OTUD7B: variants seen among roughly 807,000 people sequenced by gnomAD.
OTUD7B encodes the protein OTU deubiquitinase 7B.
A neutral mutation model predicts 82.2 loss-of-function variants in OTUD7B; 34 were observed. The observed-to-expected ratio is 0.41, with a 90% CI of 0.31 to 0.55. OTUD7B has a LOEUF of 0.55. OTUD7B is among the 20% of genes least tolerant of loss of function. The pLI is 0.20. For missense variants in OTUD7B, 944 were observed against 1,062.1 expected (o/e 0.89, Z 1.55); for synonymous variants, 398 against 402.7 (o/e 0.99, Z 0.14).
chr1:149,943,364 G>C lies in OTUD7B; in HGVS notation c.*493C>G, dbSNP rs936261835. ...AGAATTTATCCAACCTTAATTTCTAGCTTAATTCAAATCAATAGCAAATGT... is the reference window on the plus strand; with the variant it reads ...AGAATTTATCCAACCTTAATTTCTACCTTAATTCAAATCAATAGCAAATGT... On this transcript the variant is annotated 3_prime_UTR_variant, in exon 12 of 12. Transcript: ENST00000581312. The C allele has an allele frequency of 6.4e-5, 10 of 156,792 alleles. No homozygotes were observed. The highest frequency in any genetic ancestry group is 2.4e-4 in the African/African-American group (10 of 41,442). 9.7% of individuals were successfully genotyped at this position (156,792 alleles called of 1,614,324 possible).
intron 1 of OTUD7B, among the ~76,000 whole-genome samples, chr1:149,984,876 A>G (rs1553780509): frequency 2.0e-5 from 3 of 152,144 alleles, no homozygotes; most frequent in Non-Finnish European, 4.4e-5. Flanking sequence ...TACCTTAAAT[A>G]TCTCTCAAAT....
At chr1:149,974,276 TTCTA>T (rs1312505007) in intron 2 of OTUD7B, among the ~76,000 whole-genome samples, 6 of 152,230 alleles carry the variant, frequency 3.9e-5, no homozygotes, top group African/African-American at 1.4e-4. Flanking sequence ...TTCCACCTCC[TTCTA>T]TCTATTGCTA....
chr1:150,043,848 C>T, the OTUD7B span, among the ~76,000 whole-genome samples: 8 of 152,248 alleles, frequency 5.3e-5, no homozygotes, highest in African/African-American at 1.2e-4. Flanking sequence ...CTATGGTTCA[C>T]GCCTGTAATC....
Position 149,960,477 on chromosome 1 carries a change from C to T in OTUD7B, c.733-681G>A, listed in dbSNP as rs1178792180. 2.0e-5 allele frequency among the ~76,000 whole-genome samples: 3 copies of T among 147,556 alleles called. No individual in the cohort carries two copies. In the East Asian group the frequency reaches 6.2e-4, roughly 30 times the overall value. On this transcript the variant is annotated intron_variant, in intron 6 of 11. Transcript: ENST00000581312. ...TCGGCTCACTGCAAACTTCACCTCCCGGGTTCAAATGCTTCTCCTGCCTCA... is the reference window on the plus strand; with the variant it reads ...TCGGCTCACTGCAAACTTCACCTCCTGGGTTCAAATGCTTCTCCTGCCTCA...
At chr1:149,983,617 G>A (rs1263145393) in intron 1 of OTUD7B, among the ~76,000 whole-genome samples, 1 of 151,978 alleles carries the variant, frequency 6.6e-6, no homozygotes, top group Non-Finnish European at 1.5e-5. Context: ...CTAAACTTCC[G>A]TGGCAGGAAG....
intron 3 of OTUD7B, among the ~76,000 whole-genome samples, chr1:149,970,798 T>C (rs180954468): frequency 6.6e-6 from 1 of 152,176 alleles, no homozygotes; most frequent in African/African-American, 2.4e-5. Flanking sequence ...GTGAACTTTA[T>C]ATCAACAAGG....
chr1:150,056,883 A>G, the OTUD7B span, among the ~76,000 whole-genome samples: 3 of 152,220 alleles, frequency 2.0e-5, no homozygotes, highest in African/African-American at 7.2e-5. Flanking sequence ...AAGAACCATC[A>G]ATGGATTACA....
intron 11 of OTUD7B, among the ~76,000 whole-genome samples, chr1:149,946,471 G>C (rs6699471): frequency 1.3e-5 from 2 of 152,112 alleles, no homozygotes; most frequent in Non-Finnish European, 2.9e-5. Flanking sequence ...GCTGGGTGTG[G>C]TGGCTCATGC....
At position 149,992,493 on chromosome 1, in the gene OTUD7B, T is replaced by TTTTTA. The variant is rs1491503489; in HGVS notation, c.-66-14918_-66-14917insTAAAA. Among the ~76,000 whole-genome samples, 5 of 2,792 alleles carry TTTTTA rather than the reference T, an allele frequency of 1.8e-3. 1 individual carries two copies. The highest frequency in any genetic ancestry group is 6.3e-3 in the Non-Finnish European group (4 of 632). The allele number at this position is 2,792 out of a possible 152,430, so 1.8% of individuals were successfully genotyped here. On this transcript the variant is annotated intron_variant, in intron 1 of 11. Coordinates refer to ENST00000581312, the MANE Select transcript of OTUD7B (RefSeq NM_020205.4). ...TTTTTTTTTTTTTTTTTTTTTTTTTTAGTACAGAGTCTCACTCTGTCACCC... is the reference window on the plus strand; with the variant it reads ...TTTTTTTTTTTTTTTTTTTTTTTTTTTTTTAAGTACAGAGTCTCACTCTGTCACCC...
chr1:149,946,741 GAAAAAAAA>G (rs1553772237), intron 11 of OTUD7B, among the ~76,000 whole-genome samples: 12 of 79,546 alleles, frequency 1.5e-4, no homozygotes, highest in Non-Finnish European at 2.4e-4. Flanking sequence ...GACTTCCTCT[GAAAAAAAA>G]AAAAAAAAAA....
the OTUD7B span, among the ~76,000 whole-genome samples, chr1:150,040,639 A>G: frequency 6.6e-6 from 1 of 152,010 alleles, no homozygotes; most frequent in Admixed American, 6.6e-5. Flanking sequence ...AAAGTAACAA[A>G]TGAATTTGTC....
At chr1:150,015,120 G>T (rs1483919959), upstream of OTUD7B, among the ~76,000 whole-genome samples, 2 of 152,072 alleles carry the variant, frequency 1.3e-5, no homozygotes, top group African/African-American at 4.8e-5. Flanking sequence ...GTGAATGAAT[G>T]AATGAATGAA....
At chr1:149,970,419 A>G (rs781989429) in intron 3 of OTUD7B, among the ~76,000 whole-genome samples, 10 of 151,664 alleles carry the variant, frequency 6.6e-5, no homozygotes, top group Non-Finnish European at 1.2e-4. Context: ...CCCAAGTTCA[A>G]GCAATTCTCC....
chr1:150,007,694 AC>A (rs1451189162), intron 1 of OTUD7B, among the ~76,000 whole-genome samples: 5 of 152,230 alleles, frequency 3.3e-5, no homozygotes, highest in Non-Finnish European at 5.9e-5. Flanking sequence ...TTAAAAACAA[AC>A]AAACAACTCT....
upstream of OTUD7B, among the ~76,000 whole-genome samples, chr1:150,013,918 C>A (rs1653177688): frequency 1.1e-4 from 3 of 28,502 alleles, no homozygotes; most frequent in African/African-American, 4.1e-4. Flanking sequence ...GAGACTCTGT[C>A]TCAAAAAAAA....
upstream of OTUD7B, among the ~76,000 whole-genome samples, chr1:150,012,381 A>G (rs587767072): frequency 6.6e-6 from 1 of 152,300 alleles, no homozygotes; most frequent in South Asian, 2.1e-4. Flanking sequence ...GTAACTCTAC[A>G]CAAACATTCT....
intron 1 of OTUD7B, among the ~76,000 whole-genome samples, chr1:149,981,037 A>AG: frequency 9.7e-6 from 1 of 102,800 alleles, no homozygotes; most frequent in Non-Finnish European, 2.1e-5. Context: ...AAAAAAAAAA[A>AG]AAAGCAAACC....
the OTUD7B span, among the ~76,000 whole-genome samples, chr1:150,045,866 G>A: frequency 6.6e-6 from 1 of 152,042 alleles, no homozygotes; most frequent in Admixed American, 6.6e-5. Flanking sequence ...TTATCTTACA[G>A]AGGATATAAA....
At chr1:150,049,128 A>G in the OTUD7B span, among the ~76,000 whole-genome samples, 3 of 152,134 alleles carry the variant, frequency 2.0e-5, no homozygotes, top group South Asian at 2.1e-4. Context: ...GTGAGCCACC[A>G]TGCCCCGTCT....
Sources: gnomAD v4.1 joint callset for allele counts (sites outside exome capture counted in the v4.1 genomes callset) on GRCh38, gnomAD v4.1.1 for gene constraint, MANE v1.5 for transcripts, NCBI Gene and HGNC (gene_info 2026-07-23, HGNC 2026-07-21) for gene names.